The following MYO3B variants were observed in gnomAD, a reference collection of about 807,000 sequenced individuals.
The protein encoded by MYO3B is myosin IIIB, also known as myosin-IIIb.
MYO3B carries 156 observed loss-of-function variants against 174.6 expected under a neutral mutation model. That is an observed-to-expected ratio of 0.89 (90% CI 0.78 to 1.02). The LOEUF (loss-of-function observed/expected upper bound fraction) is 1.02, where lower values mean the gene tolerates loss of function less well. MYO3B is among the 50% of genes least tolerant of loss of function. The pLI is 0.00. For synonymous variants in MYO3B, 563 were observed against 569.1 expected, an observed-to-expected ratio of 0.99 and a Z score of 0.15; for missense variants, 1,632 against 1,639.4, an observed-to-expected ratio of 1.00 and a Z score of 0.08.
chr2:170,353,675 A>G (rs1215603789), intron 8 of MYO3B, among the ~76,000 whole-genome samples: 1 of 151,992 alleles, frequency 6.6e-6, no homozygotes, highest in East Asian at 1.9e-4. Context: ...TATATGGGAA[A>G]TCTCTGTACC....
intron 28 of MYO3B, among the ~76,000 whole-genome samples, chr2:170,512,098 A>T (rs1004918149): frequency 3.9e-5 from 6 of 152,328 alleles, no homozygotes; most frequent in Non-Finnish European, 1.5e-5. Flanking sequence ...TTTGAACTCA[A>T]AGTTTAACTG....
intron 7 of MYO3B, among the ~76,000 whole-genome samples, chr2:170,294,470 T>G (rs893230595): frequency 6.6e-6 from 1 of 152,058 alleles, no homozygotes; most frequent in Non-Finnish European, 1.5e-5. Flanking sequence ...GCTATATTTT[T>G]GAAGATTGAT....
intron 32 of MYO3B, among the ~76,000 whole-genome samples, chr2:170,565,752 T>C (rs1182470719): frequency 6.6e-6 from 1 of 152,206 alleles, no homozygotes; most frequent in Non-Finnish European, 1.5e-5. Context: ...AGATTAGTAG[T>C]GGGCCTTAAA....
At chr2:170,325,548 T>C (rs975931273) in intron 7 of MYO3B, among the ~76,000 whole-genome samples, 3 of 152,168 alleles carry the variant, frequency 2.0e-5, no homozygotes, top group Non-Finnish European at 2.9e-5. Flanking sequence ...TTTGTTCAAA[T>C]TTCTGGTGTG....
chr2:170,434,809 G>T lies in MYO3B; in HGVS notation c.2651-9158G>T, dbSNP rs972917537. Among the ~76,000 whole-genome samples, 12 of 152,318 alleles carry T rather than the reference G, an allele frequency of 7.9e-5. 1 individual carries two copies. Among genetic ancestry groups the T allele is most frequent in the Admixed American group, 7.2e-4 (11 of 15,308 alleles). ...CTAAGTAGCTGGGACCACAGGCGTG[G>T]CACCACGCCCAGTTAATTTTTAAAA... On this transcript the variant is annotated intron_variant, in intron 22 of 34. Transcript: ENST00000408978.
chr2:170,449,018 C>G (rs1489558236), intron 23 of MYO3B, among the ~76,000 whole-genome samples: 2 of 152,152 alleles, frequency 1.3e-5, no homozygotes, highest in African/African-American at 4.8e-5. Flanking sequence ...CTTTTAAAGC[C>G]TTGAAGCCCA....
chr2:170,376,162 A>G (rs2094291485), intron 9 of MYO3B, among the ~76,000 whole-genome samples: 1 of 152,178 alleles, frequency 6.6e-6, no homozygotes. Context: ...TATGCATTGT[A>G]TTGTTTGAAA....
intron 25 of MYO3B, among the ~76,000 whole-genome samples, chr2:170,484,758 C>G (rs1020787819): frequency 2.6e-5 from 4 of 151,930 alleles, no homozygotes; most frequent in African/African-American, 9.7e-5. Context: ...CAGATGGTGG[C>G]CAGCTGTTCT....
At position 170,391,536 on chromosome 2, in the gene MYO3B, C is replaced by A; in HGVS notation, c.1594C>A (p.His532Asn). The A allele has an allele frequency of 6.6e-7, 1 of 1,506,108 alleles. No homozygotes were observed. Among genetic ancestry groups the A allele is most frequent in the Non-Finnish European group, 8.9e-7 (1 of 1,125,862 alleles). The allele number at this position is 1,506,108 out of a possible 1,614,324, so 93.3% of individuals were successfully genotyped here. A position where few individuals can be genotyped will look rare whatever the true frequency, so the allele number is the denominator to read the frequency against. ...IKQAAREKNF[H>N]IFYYIYAGLH... ...TTTTTTCAGGAGAGAGAAAAATTTT[C>A]ATATATTTTACTATATTTATGCTGG... Residue 532 changes from histidine to asparagine, a missense_variant, in exon 15 of 35, where the codon CAT becomes AAT. By Grantham distance (68) the His-to-Asn change is moderately conservative (BLOSUM62 1). Coordinates refer to ENST00000408978, the MANE Select transcript of MYO3B (RefSeq NM_138995.5).
Position 170,310,665 on chromosome 2 carries a change from C to CAAAAAAAA in MYO3B, c.750-24705_750-24698dup, listed in dbSNP as rs746315736. 4.4e-4 allele frequency among the ~76,000 whole-genome samples: 27 copies of CAAAAAAAA among 61,430 alleles called. 2 individuals are homozygous for CAAAAAAAA. The highest frequency in any genetic ancestry group is 5.5e-4 in the Non-Finnish European group (21 of 38,154). The allele number at this position is 61,430 out of a possible 152,430, so 40.3% of individuals were successfully genotyped here. A position where few individuals can be genotyped will look rare whatever the true frequency, so the allele number is the denominator to read the frequency against. On this transcript the variant is annotated intron_variant, in intron 7 of 34. Coordinates refer to ENST00000408978, the MANE Select transcript of MYO3B (RefSeq NM_138995.5). Reference sequence around the variant, plus strand: ...GGGCGACAAGAGCAAGACTCCATCTCAAAAAAAAAAAAAAAAAAAAAAGAA... The same window carrying CAAAAAAAA: ...GGGCGACAAGAGCAAGACTCCATCTCAAAAAAAAAAAAAAAAAAAAAAAAAAAAAAGAA...
intron 30 of MYO3B, among the ~76,000 whole-genome samples, chr2:170,541,528 C>G (rs1690104882): frequency 6.6e-6 from 1 of 152,096 alleles, no homozygotes; most frequent in Admixed American, 6.6e-5. Flanking sequence ...AATTAAAGTA[C>G]TTAGACCAAA....
intron 23 of MYO3B, among the ~76,000 whole-genome samples, chr2:170,446,347 G>A (rs1276860159): frequency 1.3e-5 from 2 of 152,098 alleles, no homozygotes; most frequent in East Asian, 3.9e-4. Flanking sequence ...CCTTTCCTCT[G>A]TTTGATTTTT....
intron 26 of MYO3B, among the ~76,000 whole-genome samples, chr2:170,498,904 T>C (rs1687051791): frequency 1.3e-5 from 2 of 152,202 alleles, no homozygotes; most frequent in Admixed American, 1.3e-4. Context: ...GTTCTGTATG[T>C]AATTTGAGAG....
chr2:170,361,537 T>C (rs1158673473), intron 8 of MYO3B, among the ~76,000 whole-genome samples: 1 of 152,222 alleles, frequency 6.6e-6, no homozygotes, highest in Non-Finnish European at 1.5e-5. Flanking sequence ...CCCCATTCTT[T>C]GTCAAATGCC....
intron 27 of MYO3B, 79 bp downstream of exon 27, chr2:170,499,887 C>G: frequency 1.4e-6 from 2 of 1,401,496 alleles, no homozygotes; most frequent in Non-Finnish European, 1.9e-6. Flanking sequence ...AACTGTTTCT[C>G]TTCTAAGTGG....
rs201584213 is a variant in MYO3B at position 170,278,838 on chromosome 2, A to AT, written c.749+42709dup. On this transcript the variant is annotated intron_variant, in intron 7 of 34. Coordinates refer to ENST00000408978, the MANE Select transcript of MYO3B (RefSeq NM_138995.5). ...TCTACTCTCTACCTTCATGAATTCA[A>AT]TTTTTTTAGTTCCCACATTGGAATG... 3.2e-3 allele frequency among the ~76,000 whole-genome samples: 485 copies of AT among 151,984 alleles called. 4 individuals carry two copies. Among genetic ancestry groups the AT allele is most frequent in the African/African-American group, 0.011 (463 of 41,462 alleles).
chr2:170,580,750 G>GTA (rs1693092051), intron 32 of MYO3B, among the ~76,000 whole-genome samples: 1 of 151,864 alleles, frequency 6.6e-6, no homozygotes, highest in African/African-American at 2.4e-5. Flanking sequence ...GTGTGTGTGT[G>GTA]TGTGTGTGTA....
chr2:170,463,422 C>T lies in MYO3B; in HGVS notation c.2785C>T (p.Gln929Ter), dbSNP rs1438346608. Residue 929 changes from glutamine to a stop codon, truncating the protein, a stop_gained, in exon 24 of 35, where the codon CAA becomes TAA. Coordinates refer to ENST00000408978, the MANE Select transcript of MYO3B (RefSeq NM_138995.5). LOFTEE classifies it high-confidence loss of function. ...HPEETTNMKR[Q>*]TVASYFRYSL... is the part of the protein sequence containing the mutation. ...GGAAGAAACCACCAACATGAAGAGG[C>T]AAACTGTGGCTTCTTACTTCCGGGT... 1 of 1,614,138 alleles carries T rather than the reference C, an allele frequency of 6.2e-7. No individual in the cohort carries two copies. Among genetic ancestry groups the T allele is most frequent in the Non-Finnish European group, 8.5e-7 (1 of 1,180,020 alleles).
Position 170,269,238 on chromosome 2 carries a change from G to T in MYO3B, c.749+33102G>T, listed in dbSNP as rs543257470. 1.4e-3 allele frequency among the ~76,000 whole-genome samples: 220 copies of T among 152,244 alleles called. 3 individuals carry two copies. Among genetic ancestry groups the T allele is most frequent in the African/African-American group, 4.9e-3 (205 of 41,540 alleles). ...AAACATTTTTTCCTAGGCTCCAGAG[G>T]TAGCCTAGGAAAACAATCTGACTGG... On this transcript the variant is annotated intron_variant, in intron 7 of 34. Transcript: ENST00000408978.
Sources: allele counts gnomAD v4.1 joint callset (sites outside exome capture counted in the v4.1 genomes callset), GRCh38; gene constraint gnomAD v4.1.1; transcripts MANE v1.5; gene names NCBI Gene and HGNC (gene_info 2026-07-23, HGNC 2026-07-21).